The following MLLT3 variants were observed in gnomAD, a reference collection of about 807,000 sequenced individuals.
MLLT3 encodes protein AF-9.
Under a neutral mutation model 53.2 loss-of-function variants are expected in MLLT3, and 4 were observed. That is an observed-to-expected ratio of 0.08 (90% CI 0.04 to 0.17). The LOEUF is 0.17. MLLT3 is among the 10% of genes least tolerant of loss of function. MLLT3 has a pLI of 1.00. For missense variants in MLLT3, 569 were observed against 684.0 expected, an observed-to-expected ratio of 0.83 and a Z score of 1.87; for synonymous variants, 283 against 230.6, an observed-to-expected ratio of 1.23 and a Z score of -2.06.
chr9:20,367,077 G>A (rs1821474816), intron 5 of MLLT3, among the ~76,000 whole-genome samples: 1 of 152,200 alleles, frequency 6.6e-6, no homozygotes, highest in Admixed American at 6.5e-5. Context: ...GTCCAAATGA[G>A]TCAAGGGAAA....
At chr9:20,394,541 A>T (rs1408759569) in intron 5 of MLLT3, among the ~76,000 whole-genome samples, 1 of 152,054 alleles carries the variant, frequency 6.6e-6, no homozygotes, top group Non-Finnish European at 1.5e-5. Context: ...CACTAGGTAA[A>T]TTTGGGGTCC....
intron 2 of MLLT3, among the ~76,000 whole-genome samples, chr9:20,472,635 T>A (rs572905626): frequency 6.6e-4 from 100 of 151,886 alleles, no homozygotes; most frequent in Non-Finnish European, 7.8e-4. Context: ...TAAAGAAAAA[T>A]ATATATAAGC....
intron 4 of MLLT3, among the ~76,000 whole-genome samples, chr9:20,421,129 T>G (rs536192186): frequency 6.6e-6 from 1 of 152,136 alleles, no homozygotes; most frequent in South Asian, 2.1e-4. Flanking sequence ...CCGGGCCAGG[T>G]GGCGAGGGCC....
At chr9:20,605,200 A>C (rs1480717318) in intron 2 of MLLT3, among the ~76,000 whole-genome samples, 1 of 152,074 alleles carries the variant, frequency 6.6e-6, no homozygotes. Flanking sequence ...TCAATTCCTC[A>C]AGGATTACAA....
chr9:20,583,689 G>A (rs1819866606), intron 2 of MLLT3, among the ~76,000 whole-genome samples: 3 of 152,196 alleles, frequency 2.0e-5, no homozygotes, highest in Admixed American at 2.0e-4. Flanking sequence ...CAGACACCAA[G>A]ATGTACGTTG....
chr9:20,484,687 T>C (rs1220062362), intron 2 of MLLT3, among the ~76,000 whole-genome samples: 1 of 152,110 alleles, frequency 6.6e-6, no homozygotes, highest in Non-Finnish European at 1.5e-5. Flanking sequence ...CTTCTTTGTC[T>C]CTCCCATTAG....
chr9:20,593,064 T>C (rs1820168316), intron 2 of MLLT3, among the ~76,000 whole-genome samples: 1 of 152,186 alleles, frequency 6.6e-6, no homozygotes, highest in Non-Finnish European at 1.5e-5. Flanking sequence ...TAATAAAAGC[T>C]CAAATTTTTC....
chr9:20,620,739 T>C lies in MLLT3; in HGVS notation c.108A>G (p.Val36=). 6.2e-7 allele frequency: 1 copy of C among 1,614,152 alleles called. No individual in the cohort carries two copies. Among genetic ancestry groups the C allele is most frequent in the Non-Finnish European group, 8.5e-7 (1 of 1,180,006 alleles). The change falls in exon 2 of 11, where the codon GTA becomes GTG. Residue 36 remains valine, a synonymous_variant. Coordinates refer to ENST00000380338, the MANE Select transcript of MLLT3 (RefSeq NM_004529.4). The surrounding 1 kb of genome is among the most constrained non-coding windows in gnomAD (Gnocchi z 6.1). ...EGFTHDWMVF[V]RGPEHSNIQH... The stretch of plus-strand genomic sequence containing the variant: ...GTATGTTACTGTGCTCCGGACCGCG[T>C]ACGAACACCATCCAGTCGTGGGTGA...
chr9:20,354,694 GA>G (rs950462748), intron 9 of MLLT3, 113 bp downstream of exon 9: 2 of 720,976 alleles, frequency 2.8e-6, no homozygotes, highest in African/African-American at 3.5e-5. Context: ...GGGCATCTTG[GA>G]CACTTTGATG....
At chr9:20,449,815 T>C (rs552798387) in intron 3 of MLLT3, among the ~76,000 whole-genome samples, 1 of 152,312 alleles carries the variant, frequency 6.6e-6, no homozygotes, top group South Asian at 2.1e-4. Flanking sequence ...TTCCTCATAG[T>C]TTACTGGCTA....
At chr9:20,571,242 CA>C (rs1259051041) in intron 2 of MLLT3, among the ~76,000 whole-genome samples, 3 of 152,160 alleles carry the variant, frequency 2.0e-5, no homozygotes, top group Non-Finnish European at 4.4e-5. Context: ...GCAACAAAAG[CA>C]AAACTACACA....
chr9:20,576,857 C>G (rs1211463821), intron 2 of MLLT3, among the ~76,000 whole-genome samples: 1 of 152,084 alleles, frequency 6.6e-6, no homozygotes, highest in Non-Finnish European at 1.5e-5. Context: ...AACACAATAT[C>G]CAGCCAGATG....
intron 2 of MLLT3, among the ~76,000 whole-genome samples, chr9:20,579,450 T>C (rs904781827): frequency 3.3e-5 from 5 of 152,006 alleles, no homozygotes; most frequent in African/African-American, 1.2e-4. Flanking sequence ...CAACTTGGTA[T>C]CATCGAGAAA....
intron 10 of MLLT3, among the ~76,000 whole-genome samples, chr9:20,349,575 T>A (rs182176516): frequency 3.3e-5 from 5 of 152,316 alleles, no homozygotes; most frequent in Admixed American, 3.3e-4. Flanking sequence ...GAAAACAGTT[T>A]TCCACGACCC....
At chr9:20,458,551 T>C (rs143090991) in intron 2 of MLLT3, among the ~76,000 whole-genome samples, 43 of 152,144 alleles carry the variant, frequency 2.8e-4, no homozygotes, top group Non-Finnish European at 6.0e-4. Flanking sequence ...CTTTTGAAGG[T>C]GATTAGGTCA....
At chr9:20,374,853 C>G (rs776207081) in intron 5 of MLLT3, among the ~76,000 whole-genome samples, 1 of 152,170 alleles carries the variant, frequency 6.6e-6, no homozygotes, top group African/African-American at 2.4e-5. Flanking sequence ...CATGTTGAAG[C>G]CTTAACCCCC....
chr9:20,605,093 G>A (rs1820527818), intron 2 of MLLT3, among the ~76,000 whole-genome samples: 1 of 152,036 alleles, frequency 6.6e-6, no homozygotes, highest in African/African-American at 2.4e-5. Flanking sequence ...TTGAGCCATA[G>A]ATGTTTGATT....
chr9:20,518,408 C>A (rs965301408), intron 2 of MLLT3, among the ~76,000 whole-genome samples: 6 of 152,038 alleles, frequency 3.9e-5, no homozygotes, highest in African/African-American at 1.4e-4. Flanking sequence ...TTATAATTAA[C>A]AAATGCAGAA....
intron 2 of MLLT3, among the ~76,000 whole-genome samples, chr9:20,602,337 A>G (rs999768534): frequency 6.6e-6 from 1 of 152,210 alleles, no homozygotes; most frequent in Admixed American, 6.6e-5. Flanking sequence ...ATAACTATAC[A>G]GCATAGTATT....
Sources: allele counts gnomAD v4.1 joint callset (sites outside exome capture counted in the v4.1 genomes callset), GRCh38; gene constraint gnomAD v4.1.1; non-coding constraint Gnocchi (gnomAD v3.1); transcripts MANE v1.5; gene names NCBI Gene and HGNC (gene_info 2026-07-23, HGNC 2026-07-21).